SYNJ2: variants seen among roughly 807,000 people sequenced by gnomAD.
The protein encoded by SYNJ2 is synaptojanin 2.
SYNJ2 carries 116 observed loss-of-function variants against 141.3 expected under a neutral mutation model. That is an observed-to-expected ratio of 0.82 (90% CI 0.71 to 0.96). SYNJ2 has a LOEUF of 0.96. Among genes scored for constraint, SYNJ2 ranks in the 40% least tolerant of loss-of-function variants. The pLI, the probability that SYNJ2 is intolerant of heterozygous loss-of-function variation, is 0.00. For missense variants in SYNJ2, 1,873 were observed against 1,934.8 expected (o/e 0.97, Z 0.60); for synonymous variants, 745 against 777.7 (o/e 0.96, Z 0.70).
intron 2 of SYNJ2, among the ~76,000 whole-genome samples, chr6:158,018,972 G>GC (rs1193086735): frequency 6.6e-6 from 1 of 152,228 alleles, no homozygotes; most frequent in Admixed American, 6.5e-5. Flanking sequence ...GAGGATGGTG[G>GC]CCTGCACCTG....
intron 2 of SYNJ2, among the ~76,000 whole-genome samples, chr6:158,018,460 C>T (rs953417075): frequency 2.0e-5 from 3 of 152,216 alleles, no homozygotes; most frequent in Non-Finnish European, 4.4e-5. Flanking sequence ...GCCAAGCGCA[C>T]ACCTCCCTTC....
At chr6:158,051,982 T>G (rs12216181) in intron 5 of SYNJ2, among the ~76,000 whole-genome samples, 56,659 of 149,998 alleles carry the variant, frequency 0.38, 10,943 homozygotes, top group South Asian at 0.44. Flanking sequence ...AGAAGAAGAA[T>G]AAGAAGAAAA....
chr6:158,096,490 G>GT lies in SYNJ2; in HGVS notation c.*127dup. On this transcript the variant is annotated 3_prime_UTR_variant, in exon 27 of 27. Coordinates refer to ENST00000355585, the MANE Select transcript of SYNJ2 (RefSeq NM_003898.4). ...AAACGTTTGTGCATCTGTCACTCTC[G>GT]TGTAGTTTACAAAAATCGTGTCTCT... 1.7e-6 allele frequency: 2 copies of GT among 1,150,686 alleles called. No homozygotes were observed. Among genetic ancestry groups the GT allele is most frequent in the Admixed American group, 5.9e-5 (2 of 33,914 alleles). 71.3% of individuals were successfully genotyped at this position (1,150,686 alleles called of 1,614,324 possible). A position where few individuals can be genotyped will look rare whatever the true frequency, so the allele number is the denominator to read the frequency against.
chr6:158,083,173 T>A (rs1417560844), intron 20 of SYNJ2, among the ~76,000 whole-genome samples: 1 of 152,140 alleles, frequency 6.6e-6, no homozygotes, highest in East Asian at 1.9e-4. Flanking sequence ...CCTCAAGGGA[T>A]CTACCTGCTT....
At chr6:158,001,447 A>G (rs1583298542) in intron 1 of SYNJ2, 1 of 131,488 alleles carries the variant, frequency 7.6e-6, no homozygotes, top group African/African-American at 3.0e-5. Flanking sequence ...CCCAGGCTGG[A>G]GTGCAATGGC....
chr6:158,040,112 A>C lies in SYNJ2; in HGVS notation c.712-3204A>C, dbSNP rs9457002. Among the ~76,000 whole-genome samples, 7,064 of 152,174 alleles carry C rather than the reference A, an allele frequency of 0.046. 544 individuals are homozygous for C. The highest frequency in any genetic ancestry group is 0.16 in the African/African-American group (6,740 of 41,452). On this transcript the variant is annotated intron_variant, in intron 4 of 26. Coordinates refer to ENST00000355585, the MANE Select transcript of SYNJ2 (RefSeq NM_003898.4). The surrounding 1 kb of genome is among the most constrained non-coding windows in gnomAD (Gnocchi z 4.2). ...GCACCCTCTGCTTTTGCTTTGGTTT[A>C]ACATGTTTCCTAGGAGGAATAATTA...
At chr6:158,013,612 AT>A (rs1778346836) in intron 1 of SYNJ2, among the ~76,000 whole-genome samples, 1 of 152,110 alleles carries the variant, frequency 6.6e-6, no homozygotes, top group Non-Finnish European at 1.5e-5. Context: ...TGGATTCCAT[AT>A]TTGTAAATTC....
At chr6:158,012,022 G>C (rs1188230658) in intron 1 of SYNJ2, among the ~76,000 whole-genome samples, 2 of 152,188 alleles carry the variant, frequency 1.3e-5, no homozygotes, top group African/African-American at 2.4e-5. Context: ...TGAAGGCTGG[G>C]GGAAGACATT....
intron 23 of SYNJ2, 147 bp downstream of exon 23, chr6:158,087,136 T>A: frequency 1.1e-6 from 1 of 951,944 alleles, no homozygotes; most frequent in Non-Finnish European, 1.5e-6. Flanking sequence ...CGTTTTGTTG[T>A]AAATCCAGGA....
intron 1 of SYNJ2, among the ~76,000 whole-genome samples, chr6:158,008,643 T>A (rs1011122821): frequency 6.6e-6 from 1 of 152,236 alleles, no homozygotes; most frequent in East Asian, 1.9e-4. Context: ...GTTTATTATG[T>A]CACCCTACTT....
intron 13 of SYNJ2, 118 bp downstream of exon 13, chr6:158,068,846 C>T: frequency 1.8e-6 from 2 of 1,099,076 alleles, no homozygotes; most frequent in East Asian, 4.7e-5. Context: ...TAAGCTGTGG[C>T]CCTGGCTGTG....
chr6:158,011,413 C>T (rs1428006564), intron 1 of SYNJ2, among the ~76,000 whole-genome samples: 1 of 152,156 alleles, frequency 6.6e-6, no homozygotes, highest in Non-Finnish European at 1.5e-5. Context: ...GAAACATCTT[C>T]TCATGATGTT....
At position 158,097,915 on chromosome 6, in the gene SYNJ2, G is replaced by T. The variant is rs928420988; in HGVS notation, c.*1551G>T. On this transcript the variant is annotated 3_prime_UTR_variant, in exon 27 of 27. Coordinates refer to ENST00000355585, the MANE Select transcript of SYNJ2 (RefSeq NM_003898.4). The stretch of plus-strand genomic sequence containing the variant: ...GCATAGTTGACCAGTCATAAAAGGC[G>T]GTGTTTAGGTGATCAGGATGCCGTT... 6.6e-6 allele frequency: 1 copy of T among 151,268 alleles called. No homozygotes were observed. The highest frequency in any genetic ancestry group is 2.1e-4 in the South Asian group (1 of 4,794). 9.4% of individuals were successfully genotyped at this position (151,268 alleles called of 1,614,324 possible). A position where few individuals can be genotyped will look rare whatever the true frequency, so the allele number is the denominator to read the frequency against.
chr6:158,073,191 T>A (rs560181490), intron 15 of SYNJ2, among the ~76,000 whole-genome samples: 1 of 152,250 alleles, frequency 6.6e-6, no homozygotes, highest in East Asian at 1.9e-4. Context: ...ATTAACATTC[T>A]ACACTTCTTT....
intron 8 of SYNJ2, 101 bp from the exon 9 acceptor site, chr6:158,063,690 A>G (rs565761665): frequency 3.6e-4 from 198 of 551,428 alleles, no homozygotes; most frequent in African/African-American, 2.0e-3. Flanking sequence ...AAAAAAAACC[A>G]TGTTTCCTTG....
At chr6:158,059,556 C>CTTTT in intron 7 of SYNJ2, 3 of 1,178,612 alleles carry the variant, frequency 2.5e-6, no homozygotes, top group East Asian at 8.6e-5. Context: ...AATTTCTTTT[C>CTTTT]TTTTTTTTTT....
chr6:158,087,791 T>C (rs1015534005), intron 23 of SYNJ2, among the ~76,000 whole-genome samples: 1 of 151,888 alleles, frequency 6.6e-6, no homozygotes, highest in African/African-American at 2.4e-5. Flanking sequence ...AACAAAATTT[T>C]AAAATTCACT....
intron 5 of SYNJ2, among the ~76,000 whole-genome samples, chr6:158,044,507 T>C (rs1229898656): frequency 6.6e-6 from 1 of 152,148 alleles, no homozygotes; most frequent in Non-Finnish European, 1.5e-5. Flanking sequence ...CGCACCACAC[T>C]GCACGAGATA....
At chr6:158,089,475 G>T (rs1481894314) in intron 24 of SYNJ2, among the ~76,000 whole-genome samples, 1 of 152,128 alleles carries the variant, frequency 6.6e-6, no homozygotes, top group Non-Finnish European at 1.5e-5. Flanking sequence ...TGAAGAAGTA[G>T]AAAAAGCACT....
Sources: gnomAD v4.1 joint callset for allele counts (sites outside exome capture counted in the v4.1 genomes callset) on GRCh38, gnomAD v4.1.1 for gene constraint, Gnocchi (gnomAD v3.1) non-coding constraint, MANE v1.5 for transcripts, NCBI Gene and HGNC (gene_info 2026-07-23, HGNC 2026-07-21) for gene names.